TMTC4: variants seen among roughly 807,000 people sequenced by gnomAD.
TMTC4 encodes transmembrane O-mannosyltransferase targeting cadherins 4, also known as protein O-mannosyl-transferase TMTC4.
In TMTC4, 65 loss-of-function variants were observed where a neutral mutation model predicts 86.0. The observed-to-expected ratio is 0.76, with a 90% CI of 0.62 to 0.93. TMTC4 has a LOEUF of 0.93. Ranked by LOEUF, TMTC4 falls within the 40% of genes least tolerant of loss-of-function variation. The probability of loss-of-function intolerance (pLI) is 0.00; values close to 1 mark genes in which losing one functional copy is unlikely to be tolerated. For missense variants in TMTC4, 866 were observed against 948.1 expected, an observed-to-expected ratio of 0.91 and a Z score of 1.14; for synonymous variants, 379 against 382.5, an observed-to-expected ratio of 0.99 and a Z score of 0.11.
intron 6 of TMTC4, among the ~76,000 whole-genome samples, chr13:100,649,066 C>T (rs1884103607): frequency 6.6e-6 from 1 of 152,088 alleles, no homozygotes; most frequent in Non-Finnish European, 1.5e-5. Flanking sequence ...AACTGGAAAG[C>T]TTAATTTAAT....
intron 17 of TMTC4, among the ~76,000 whole-genome samples, chr13:100,608,827 G>GA (rs1165463790): frequency 1.3e-5 from 2 of 152,138 alleles, no homozygotes; most frequent in Non-Finnish European, 2.9e-5. Flanking sequence ...ACAGAAAGGG[G>GA]AAAAATAAGG....
At chr13:100,632,053 A>ACACACACT (rs1296569630) in intron 12 of TMTC4, among the ~76,000 whole-genome samples, 19 of 43,148 alleles carry the variant, frequency 4.4e-4, no homozygotes, top group South Asian at 1.0e-3. Context: ...ACACACACAC[A>ACACACACT]CTCTCTCTCT....
chr13:100,665,385 G>A (rs1327755100), intron 3 of TMTC4, among the ~76,000 whole-genome samples: 1 of 152,142 alleles, frequency 6.6e-6, no homozygotes, highest in Non-Finnish European at 1.5e-5. Flanking sequence ...ATTCTTCATC[G>A]CAGTAACCAA....
In TMTC4 at chr13:100,670,448, T is replaced by C. The variant is rs532399890; in HGVS notation, c.-86A>G. 62 of 1,458,920 alleles carry C rather than the reference T, an allele frequency of 4.2e-5. No homozygotes were observed. In the South Asian group the frequency reaches 7.1e-4, roughly 17 times the overall value. 90.4% of individuals were successfully genotyped at this position (1,458,920 alleles called of 1,614,324 possible). A position where few individuals can be genotyped will look rare whatever the true frequency, so the allele number is the denominator to read the frequency against. ...ATGAAACAGGCCGCAACTCTTCCAC[T>C]GCTTGTCTCTCGAGCCTCACAGCCT... is the stretch of plus-strand genomic sequence containing the variant. On this transcript the variant is annotated 5_prime_UTR_variant, in exon 2 of 19. Coordinates refer to ENST00000342624, the MANE Select transcript of TMTC4 (RefSeq NM_032813.5).
chr13:100,668,422 G>A, intron 3 of TMTC4, 157 bp downstream of exon 3: 1 of 733,386 alleles, frequency 1.4e-6, no homozygotes, highest in South Asian at 1.9e-5. Context: ...CTAAATCATG[G>A]AGGCGATGTT....
At chr13:100,640,230 G>A (rs1035420396) in intron 7 of TMTC4, among the ~76,000 whole-genome samples, 4 of 151,966 alleles carry the variant, frequency 2.6e-5, no homozygotes, top group African/African-American at 9.7e-5. Context: ...TCACAATTGA[G>A]AGGTCCCACT....
At chr13:100,642,405 CA>C in intron 6 of TMTC4, 94 bp from the exon 7 acceptor site, 1 of 1,387,504 alleles carries the variant, frequency 7.2e-7, no homozygotes, top group South Asian at 1.2e-5. Flanking sequence ...ATACCTTAAA[CA>C]ACCATAACTT....
chr13:100,614,937 G>C (rs901253884), intron 15 of TMTC4: 12 of 985,268 alleles, frequency 1.2e-5, no homozygotes, highest in Non-Finnish European at 1.3e-5. Flanking sequence ...ACCTTGTGAA[G>C]GGTGGTCTCA....
Position 100,612,500 on chromosome 13 carries a change from G to A in TMTC4, c.1962C>T (p.Ala654=), listed in dbSNP as rs1346052673. 1 of 1,609,218 alleles carries A rather than the reference G, an allele frequency of 6.2e-7. No homozygotes were observed. Among genetic ancestry groups the A allele is most frequent in the Admixed American group, 1.7e-5 (1 of 58,892 alleles). Residue 654 remains alanine, a synonymous_variant, in exon 17 of 19, where the codon GCC becomes GCT. Transcript: ENST00000342624. Reference sequence around the variant, plus strand: ...CCTCTCTTCCAACTGCTTCAGCTTGGGCTAAATTACCTGGGAGTGAAAAAT... The same window carrying A: ...CCTCTCTTCCAACTGCTTCAGCTTGAGCTAAATTACCTGGGAGTGAAAAAT... ...IILLDNTGNL[A]QAEAVGREAL... is the part of the protein sequence containing the mutation.
At chr13:100,623,950 G>A in intron 15 of TMTC4, 1 of 461,774 alleles carries the variant, frequency 2.2e-6, no homozygotes, top group Non-Finnish European at 4.3e-6. Context: ...TTTGGGGGTA[G>A]TACATTGTAT....
intron 3 of TMTC4, 190 bp downstream of exon 3, chr13:100,668,389 T>C (rs1009808734): frequency 1.6e-6 from 1 of 615,078 alleles, no homozygotes; most frequent in Non-Finnish European, 2.8e-6. Flanking sequence ...TTCAGAACCT[T>C]GGTGCCAGCA....
chr13:100,652,753 G>A (rs1884615913), intron 6 of TMTC4, among the ~76,000 whole-genome samples: 1 of 152,154 alleles, frequency 6.6e-6, no homozygotes, highest in Admixed American at 6.6e-5. Flanking sequence ...AAAGTCAACA[G>A]GAAAGGAAGG....
chr13:100,625,729 C>T (rs539245621), intron 14 of TMTC4, 53 bp from the exon 15 acceptor site: 86 of 1,609,002 alleles, frequency 5.3e-5, no homozygotes, highest in South Asian at 1.1e-4. Context: ...GCTTAGATGC[C>T]GGAATGCAGG....
intron 6 of TMTC4, among the ~76,000 whole-genome samples, chr13:100,650,799 C>T (rs1196431652): frequency 6.6e-6 from 1 of 152,252 alleles, no homozygotes; most frequent in Non-Finnish European, 1.5e-5. Context: ...AAATTGAAAA[C>T]CAAGCGTCCT....
At chr13:100,675,027 G>A, upstream of TMTC4, 1 of 985,682 alleles carries the variant, frequency 1.0e-6, no homozygotes, top group Non-Finnish European at 1.2e-6. Flanking sequence ...CAGGCCAGGG[G>A]GCGCTAGTCG....
intron 2 of TMTC4, among the ~76,000 whole-genome samples, chr13:100,669,844 G>T (rs1332469760): frequency 1.3e-5 from 2 of 152,108 alleles, no homozygotes; most frequent in African/African-American, 4.8e-5. Context: ...TCAGGTTTGG[G>T]TAAGACTGCT....
chr13:100,663,597 C>T (rs577416703), intron 4 of TMTC4, among the ~76,000 whole-genome samples: 78 of 152,288 alleles, frequency 5.1e-4, no homozygotes, highest in Non-Finnish European at 9.6e-4. Flanking sequence ...CAAAAAAGGG[C>T]TCCTCATCAG....
chr13:100,637,336 T>C lies in TMTC4; in HGVS notation c.999+202A>G, dbSNP rs568852222. Among the ~76,000 whole-genome samples, 4 of 152,292 alleles carry C rather than the reference T, an allele frequency of 2.6e-5. 1 individual carries two copies. Among genetic ancestry groups the C allele is most frequent in the African/African-American group, 9.6e-5 (4 of 41,554 alleles). On this transcript the variant is annotated intron_variant, in intron 9 of 18. Transcript: ENST00000342624. ...TTGTTAGAACGGAAATGCAAGGAGC[T>C]TCTGCATGCCCTTTCAACCCCCTCA...
chr13:100,640,127 C>T (rs1272533026), intron 7 of TMTC4, among the ~76,000 whole-genome samples: 2 of 152,060 alleles, frequency 1.3e-5, no homozygotes, highest in Non-Finnish European at 2.9e-5. Flanking sequence ...AACCACACTT[C>T]GTATTAGGGA....
Sources: gnomAD v4.1 joint callset for allele counts (sites outside exome capture counted in the v4.1 genomes callset) on GRCh38, gnomAD v4.1.1 for gene constraint, MANE v1.5 for transcripts, NCBI Gene and HGNC (gene_info 2026-07-23, HGNC 2026-07-21) for gene names.